The following ODR4 variants were observed in gnomAD, a reference collection of about 807,000 sequenced individuals.
ODR4 encodes the protein protein odr-4 homolog.
In ODR4, 47 loss-of-function variants were observed where a neutral mutation model predicts 60.2. The observed-to-expected ratio is 0.78, with a 90% CI of 0.62 to 1.00. The LOEUF is 1.00. Among genes scored for constraint, ODR4 ranks in the 50% least tolerant of loss-of-function variants. The pLI is 0.00. For synonymous variants in ODR4, 178 were observed against 175.5 expected, an observed-to-expected ratio of 1.01 and a Z score of -0.11; for missense variants, 488 against 530.8, an observed-to-expected ratio of 0.92 and a Z score of 0.79.
intron 7 of ODR4, among the ~76,000 whole-genome samples, chr1:186,391,337 C>G (rs13375943): frequency 0.081 from 6,741 of 82,956 alleles, 503 homozygotes; most frequent in African/African-American, 0.25. Context: ...TTGAAGATGT[C>G]AAATAGAGCT....
chr1:186,378,239 C>T (rs1659869242), intron 1 of ODR4, among the ~76,000 whole-genome samples: 1 of 152,190 alleles, frequency 6.6e-6, no homozygotes, highest in Admixed American at 6.5e-5. Context: ...ACCACCCCAG[C>T]ATATCTCTGG....
At chr1:186,396,720 TATAGATAGATAG>T (rs71104855) in intron 9 of ODR4, among the ~76,000 whole-genome samples, 70 of 144,880 alleles carry the variant, frequency 4.8e-4, no homozygotes, top group Middle Eastern at 3.5e-3. Flanking sequence ...ATGCCATAAT[TATAGATAGATAG>T]ATAGATAGAT....
intron 11 of ODR4, among the ~76,000 whole-genome samples, chr1:186,400,206 G>A (rs1476744244): frequency 1.3e-5 from 2 of 150,746 alleles, no homozygotes; most frequent in Admixed American, 6.6e-5. Context: ...TAGCCAGGAT[G>A]GTCTCGATCT....
intron 8 of ODR4, among the ~76,000 whole-genome samples, chr1:186,392,199 G>A (rs1277885140): frequency 6.6e-6 from 1 of 152,202 alleles, no homozygotes; most frequent in Non-Finnish European, 1.5e-5. Context: ...GTATAAATAA[G>A]TTCAACCATT....
At chr1:186,432,270 G>A in the ODR4 span, among the ~76,000 whole-genome samples, 91 of 152,184 alleles carry the variant, frequency 6.0e-4, no homozygotes, top group African/African-American at 2.0e-3. Flanking sequence ...ATACACTGTT[G>A]GATTTGACTT....
the ODR4 span, among the ~76,000 whole-genome samples, chr1:186,434,749 T>A: frequency 6.6e-6 from 1 of 152,182 alleles, no homozygotes; most frequent in East Asian, 1.9e-4. Flanking sequence ...CACAGTTTAT[T>A]ATGTAAGTCT....
chr1:186,424,984 AAAC>A (rs1490097154), downstream of ODR4, among the ~76,000 whole-genome samples: 1 of 150,734 alleles, frequency 6.6e-6, no homozygotes, highest in African/African-American at 2.5e-5. Context: ...AAAAAAAAAA[AAAC>A]CCCTTTTTGA....
the ODR4 span, among the ~76,000 whole-genome samples, chr1:186,430,203 CAG>C: frequency 6.6e-6 from 1 of 151,972 alleles, no homozygotes; most frequent in East Asian, 1.9e-4. Flanking sequence ...TCTTAATAAT[CAG>C]AAGTAGATTA....
intron 9 of ODR4, among the ~76,000 whole-genome samples, chr1:186,395,158 G>A (rs562770443): frequency 8.1e-4 from 124 of 152,234 alleles, no homozygotes; most frequent in Non-Finnish European, 1.3e-3. Context: ...GCAGTGGTGC[G>A]ATCTCGGCTC....
downstream of ODR4, among the ~76,000 whole-genome samples, chr1:186,424,182 T>C (rs755396830): frequency 6.6e-6 from 1 of 152,142 alleles, no homozygotes; most frequent in Non-Finnish European, 1.5e-5. Flanking sequence ...AAAAACAAAT[T>C]ACGGGTTTTG....
chr1:186,378,428 T>G (rs1659877451), intron 1 of ODR4, among the ~76,000 whole-genome samples: 1 of 152,222 alleles, frequency 6.6e-6, no homozygotes, highest in East Asian at 1.9e-4. Flanking sequence ...TATGAACTCC[T>G]TGATTTAATC....
chr1:186,406,066 A>G lies in ODR4; in HGVS notation c.1001-17A>G, dbSNP rs1488270226. The G allele has an allele frequency of 2.0e-6, 3 of 1,513,242 alleles. No homozygotes were observed. Among genetic ancestry groups the G allele is most frequent in the Admixed American group, 4.2e-5 (2 of 47,420 alleles). 93.7% of individuals were successfully genotyped at this position (1,513,242 alleles called of 1,614,324 possible). A position where few individuals can be genotyped will look rare whatever the true frequency, so the allele number is the denominator to read the frequency against. On this transcript the variant is annotated splice_polypyrimidine_tract_variant and intron_variant, in intron 11 of 13. Transcript: ENST00000287859. ...ACAAACCTATCTAAATATTGATAAT[A>G]TTTCTTTTCCTTTTAGATTCTGAAA... is the stretch of plus-strand genomic sequence containing the variant.
chr1:186,389,487 CTTTTGGATGCGTGCATTTTTTAGTTTATT>C, intron 5 of ODR4, 72 bp from the exon 6 acceptor site: 2 of 871,238 alleles, frequency 2.3e-6, no homozygotes, highest in Non-Finnish European at 3.6e-6. Flanking sequence ...TTTGTAAGAA[CTTTTGGATGCGTGCATTTTTTAGTTTATT>C]TTTTGATAGT....
chr1:186,399,913 T>C (rs1382542431), intron 11 of ODR4, among the ~76,000 whole-genome samples: 1 of 152,052 alleles, frequency 6.6e-6, no homozygotes, highest in African/African-American at 2.4e-5. Flanking sequence ...TAAAAAATTT[T>C]TTTAATCAAA....
At chr1:186,390,570 C>G (rs1023011137) in intron 6 of ODR4, 141 bp from the exon 7 acceptor site, 20 of 813,450 alleles carry the variant, frequency 2.5e-5, no homozygotes, top group Non-Finnish European at 3.3e-5. Context: ...AACCTATAGT[C>G]TTTTGATCAA....
the ODR4 span, among the ~76,000 whole-genome samples, chr1:186,431,714 G>T: frequency 9.2e-5 from 14 of 152,254 alleles, no homozygotes; most frequent in African/African-American, 3.1e-4. Flanking sequence ...ATCACCATTT[G>T]CAAGCTTAAA....
Position 186,419,640 on chromosome 1 carries a change from A to T in ODR4, c.*564A>T, listed in dbSNP as rs1175012309. 1.3e-5 allele frequency: 2 copies of T among 152,776 alleles called. No homozygotes were observed. The highest frequency in any genetic ancestry group is 4.8e-5 in the African/African-American group (2 of 41,414). The allele number at this position is 152,776 out of a possible 1,614,324, so 9.5% of individuals were successfully genotyped here. ...AGCAGGAAGATCACGTGAGCCCAGG[A>T]GTTTGAGGCTGCAGCGAGCTATGAT... On this transcript the variant is annotated 3_prime_UTR_variant, in exon 14 of 14. Coordinates refer to ENST00000287859, the MANE Select transcript of ODR4 (RefSeq NM_017847.6).
chr1:186,407,198 A>C (rs1661204911), intron 12 of ODR4, among the ~76,000 whole-genome samples: 4 of 152,148 alleles, frequency 2.6e-5, no homozygotes, highest in Admixed American at 6.5e-5. Context: ...GTTAAAATAA[A>C]GAAGAGCTAC....
At chr1:186,426,217 C>T, downstream of ODR4, among the ~76,000 whole-genome samples, 1 of 152,190 alleles carries the variant, frequency 6.6e-6, no homozygotes, top group Non-Finnish European at 1.5e-5. Flanking sequence ...TTTCTAGATA[C>T]CAGTTTCTAT....
Sources: gnomAD v4.1 joint callset for allele counts (sites outside exome capture counted in the v4.1 genomes callset) on GRCh38, gnomAD v4.1.1 for gene constraint, MANE v1.5 for transcripts, NCBI Gene and HGNC (gene_info 2026-07-23, HGNC 2026-07-21) for gene names.